PIK3C2G: variants seen among roughly 807,000 people sequenced by gnomAD.
PIK3C2G encodes phosphatidylinositol-4-phosphate 3-kinase catalytic subunit type 2 gamma.
PIK3C2G carries 168 observed loss-of-function variants against 181.1 expected under a neutral mutation model. The ratio of observed to expected loss-of-function variants is 0.93; its 90% CI spans 0.82 to 1.05. The LOEUF is 1.05. Among genes scored for constraint, PIK3C2G ranks in the 50% least tolerant of loss-of-function variants. PIK3C2G has a pLI of 0.00. For missense variants in PIK3C2G, 1,869 were observed against 1,732.8 expected (o/e 1.08, Z -1.40); for synonymous variants, 573 against 592.2 (o/e 0.97, Z 0.47).
chr12:18,501,220 C>T (rs1183837396), intron 22 of PIK3C2G, among the ~76,000 whole-genome samples: 1 of 152,180 alleles, frequency 6.6e-6, no homozygotes, highest in African/African-American at 2.4e-5. Context: ...TTAAATGGCT[C>T]ACAGTTCCAC....
chr12:18,316,285 C>T (rs953246299), intron 6 of PIK3C2G, among the ~76,000 whole-genome samples: 14 of 152,082 alleles, frequency 9.2e-5, no homozygotes, highest in African/African-American at 2.9e-4. Flanking sequence ...CTGACTCCGT[C>T]AATATTAAAC....
chr12:18,709,121 T>C, the PIK3C2G span, among the ~76,000 whole-genome samples: 53 of 152,176 alleles, frequency 3.5e-4, no homozygotes, highest in African/African-American at 1.2e-3. Context: ...TCTCCTATGT[T>C]CCCTTTTAGG....
intron 5 of PIK3C2G, among the ~76,000 whole-genome samples, chr12:18,300,584 T>C (rs2137281775): frequency 6.6e-6 from 1 of 152,188 alleles, no homozygotes; most frequent in African/African-American, 2.4e-5. Context: ...TCTGTATCTT[T>C]TAAGTGGGTA....
At chr12:18,653,742 T>G in the PIK3C2G span, among the ~76,000 whole-genome samples, 85 of 152,158 alleles carry the variant, frequency 5.6e-4, no homozygotes, top group South Asian at 1.0e-3. Flanking sequence ...CACTCATTAT[T>G]AGAGTTTGGA....
At chr12:18,281,373 T>C (rs1365845767) in intron 1 of PIK3C2G, among the ~76,000 whole-genome samples, 1 of 150,634 alleles carries the variant, frequency 6.6e-6, no homozygotes, top group Non-Finnish European at 1.5e-5. Context: ...AAATTTTAAG[T>C]ATGGTGAACG....
intron 14 of PIK3C2G, among the ~76,000 whole-genome samples, chr12:18,387,049 T>G (rs894556851): frequency 6.6e-6 from 1 of 152,246 alleles, no homozygotes; most frequent in Non-Finnish European, 1.5e-5. Context: ...CTCTCCAAAA[T>G]TACTTTCACC....
intron 11 of PIK3C2G, among the ~76,000 whole-genome samples, chr12:18,362,150 A>T (rs574350723): frequency 8.5e-5 from 13 of 152,168 alleles, no homozygotes; most frequent in East Asian, 5.8e-4. Context: ...GGGTTTTTTT[A>T]AAAAAATCAT....
rs374021212 is a variant in PIK3C2G at position 18,274,750 on chromosome 12, A to G, written c.-78-7254A>G. Among the ~76,000 whole-genome samples the G allele has an allele frequency of 2.0e-5, 3 of 152,246 alleles. No homozygotes were observed. In the East Asian group the frequency reaches 5.8e-4, roughly 30 times the overall value. On this transcript the variant is annotated intron_variant, in intron 1 of 32. Coordinates refer to ENST00000538779, the MANE Select transcript of PIK3C2G (RefSeq NM_001288772.2). ...GCACACCAACATGGCACATGTATCC[A>G]TATGTAACAAACCTGCACGTTGTGC...
At chr12:18,286,773 C>A in intron 2 of PIK3C2G, 74 bp from the exon 3 acceptor site, 3 of 828,144 alleles carry the variant, frequency 3.6e-6, no homozygotes, top group Non-Finnish European at 5.6e-6. Flanking sequence ...AACTTCAAAA[C>A]AGGATAAAAT....
chr12:18,562,314 A>G (rs1945390467), intron 26 of PIK3C2G, among the ~76,000 whole-genome samples: 1 of 152,100 alleles, frequency 6.6e-6, no homozygotes, highest in African/African-American at 2.4e-5. Context: ...TTGTATTTTT[A>G]GTAGAAACAG....
intron 18 of PIK3C2G, among the ~76,000 whole-genome samples, chr12:18,473,669 T>C (rs1350179274): frequency 6.6e-6 from 1 of 152,214 alleles, no homozygotes; most frequent in Non-Finnish European, 1.5e-5. Flanking sequence ...GAGTGCCTGC[T>C]GAATTGATTC....
At chr12:18,678,765 T>G in the PIK3C2G span, among the ~76,000 whole-genome samples, 2 of 152,104 alleles carry the variant, frequency 1.3e-5, no homozygotes, top group Non-Finnish European at 2.9e-5. Flanking sequence ...TTGGGCTGTT[T>G]CCAGTTTGGG....
Position 18,491,492 on chromosome 12 carries a change from T to C in PIK3C2G, c.2727T>C (p.Phe909=). The C allele has an allele frequency of 1.2e-6, 2 of 1,609,422 alleles. No homozygotes were observed. Among genetic ancestry groups the C allele is most frequent in the Non-Finnish European group, 1.7e-6 (2 of 1,176,042 alleles). ...AAATTGGCAGACTAGAAGAGTTCTT[T>C]CAAGATGTAAATACTTGTCATCTTC... is the stretch of plus-strand genomic sequence containing the variant. ...KKEIGRLEEF[F]QDVNTCHLPL... is the part of the protein sequence containing the mutation. The change falls in exon 20 of 33, where the codon TTT becomes TTC. Residue 909 remains phenylalanine (F), a synonymous_variant. Transcript: ENST00000538779.
chr12:18,708,608 A>G, the PIK3C2G span, among the ~76,000 whole-genome samples: 8 of 152,280 alleles, frequency 5.3e-5, no homozygotes, highest in African/African-American at 1.9e-4. Context: ...TGGTGGTACC[A>G]ATCTACATTT....
upstream of PIK3C2G, among the ~76,000 whole-genome samples, chr12:18,244,058 T>C (rs1948014094): frequency 6.6e-6 from 1 of 152,000 alleles, no homozygotes; most frequent in Admixed American, 6.6e-5. Context: ...ACAGAGGGTA[T>C]ATTACATGAG....
At chr12:18,683,287 C>G in the PIK3C2G span, 5 of 1,612,548 alleles carry the variant, frequency 3.1e-6, no homozygotes, top group Non-Finnish European at 4.2e-6. Flanking sequence ...GCTCAAGGCT[C>G]TCACCCATTC....
chr12:18,538,389 T>C lies in PIK3C2G; in HGVS notation c.3480+77T>C, dbSNP rs1031223090. The C allele has an allele frequency of 3.8e-5, 47 of 1,251,704 alleles. No individual in the cohort carries two copies. In the African/African-American group the frequency reaches 6.4e-4, roughly 17 times the overall value. 77.5% of individuals were successfully genotyped at this position (1,251,704 alleles called of 1,614,324 possible). A position where few individuals can be genotyped will look rare whatever the true frequency, so the allele number is the denominator to read the frequency against. ...TGCTTCAGTAGTCTATTTTTACTAA[T>C]GGCTTGGAGTTCCCCAAGGAGCTAT... On this transcript the variant is annotated intron_variant, in intron 25 of 32. Transcript: ENST00000538779.
In PIK3C2G at chr12:18,325,077, G is replaced by C; in HGVS notation, c.1251G>C (p.Leu417=). The C allele has an allele frequency of 6.4e-7, 1 of 1,573,384 alleles. No individual in the cohort carries two copies. The highest frequency in any genetic ancestry group is 8.7e-7 in the Non-Finnish European group (1 of 1,146,014). Residue 417 remains leucine, a synonymous_variant, in exon 8 of 33, where the codon CTG becomes CTC. Coordinates refer to ENST00000538779, the MANE Select transcript of PIK3C2G (RefSeq NM_001288772.2). ...LTLIRKYDFH[L]KYLLKTQENV... ...TCATCAGAAAATATGACTTCCACCT[G>C]AAATACCTATTGAAAACCCAGGTAT... is the stretch of plus-strand genomic sequence containing the variant.
At chr12:18,324,978 G>T in intron 7 of PIK3C2G, 57 bp from the exon 8 acceptor site, 1 of 805,944 alleles carries the variant, frequency 1.2e-6, no homozygotes. Context: ...TTGTGCTAAA[G>T]GTAATATAAG....
Sources: gnomAD v4.1 joint callset for allele counts (sites outside exome capture counted in the v4.1 genomes callset) on GRCh38, gnomAD v4.1.1 for gene constraint, MANE v1.5 for transcripts, NCBI Gene and HGNC (gene_info 2026-07-23, HGNC 2026-07-21) for gene names.